The following CACNG4 variants were observed in gnomAD, a reference collection of about 807,000 sequenced individuals.
CACNG4 encodes the protein voltage-dependent calcium channel gamma-4 subunit.
A neutral mutation model predicts 22.9 loss-of-function variants in CACNG4; 8 were observed. The ratio of observed to expected loss-of-function variants is 0.35; its 90% CI spans 0.21 to 0.63. The LOEUF is 0.63. Among genes scored for constraint, CACNG4 ranks in the 30% least tolerant of loss-of-function variants. CACNG4 has a pLI of 0.72. For synonymous variants in CACNG4, 188 were observed against 191.9 expected, an observed-to-expected ratio of 0.98 and a Z score of 0.17; for missense variants, 357 against 455.4, an observed-to-expected ratio of 0.78 and a Z score of 1.97.
At position 67,030,892 on chromosome 17, in the gene CACNG4, G is replaced by C; in HGVS notation, c.872G>C (p.Ser291Thr). Residue 291 changes from serine (S) to threonine (T), a missense_variant, in exon 4 of 4, where the codon AGC (serine) becomes ACC (threonine). By Grantham distance (58) the Ser-to-Thr change is moderately conservative. Coordinates refer to ENST00000262138, the MANE Select transcript of CACNG4 (RefSeq NM_014405.4). This position sits in a 1 kb window ranked among gnomAD's most constrained non-coding sequence, Gnocchi z 6.4. Reference protein sequence around the residue: ...REPLKVTTAASYSPDQEASFL... With the variant: ...REPLKVTTAATYSPDQEASFL... ...CCCCTCAAGGTGACCACCGCAGCCA[G>C]CTACAGCCCCGACCAGGAGGCCAGC... The C allele has an allele frequency of 6.2e-7, 1 of 1,612,740 alleles. No homozygotes were observed. Among genetic ancestry groups the C allele is most frequent in the Non-Finnish European group, 8.5e-7 (1 of 1,180,022 alleles).
intron 1 of CACNG4, among the ~76,000 whole-genome samples, chr17:67,000,799 T>C (rs943097011): frequency 2.1e-4 from 32 of 152,208 alleles, no homozygotes; most frequent in African/African-American, 7.7e-4. Flanking sequence ...ATCCTCCCTT[T>C]CTGCTCCAAG....
chr17:66,967,040 C>T (rs1249657429), intron 1 of CACNG4, among the ~76,000 whole-genome samples: 2 of 152,176 alleles, frequency 1.3e-5, no homozygotes, highest in Non-Finnish European at 2.9e-5. Context: ...TGGCACGACC[C>T]GAAGGCATGT....
Position 67,030,841 on chromosome 17 carries a change from T to G in CACNG4, c.821T>G (p.Leu274Arg), listed in dbSNP as rs2095020259. Residue 274 changes from leucine to arginine, a missense_variant, in exon 4 of 4, where the codon CTG becomes CGG. Physicochemically the swap from Leu to Arg is moderately radical, Grantham distance 102. Coordinates refer to ENST00000262138, the MANE Select transcript of CACNG4 (RefSeq NM_014405.4). The surrounding 1 kb of genome is among the most constrained non-coding windows in gnomAD (Gnocchi z 6.4). ...KITGAIPMGE[L>R]SMYTLSREPL... Reference sequence around the variant, plus strand: ...ACAGGGGCCATCCCCATGGGGGAGCTGTCCATGTACACGCTGTCCAGGGAG... The same window carrying G: ...ACAGGGGCCATCCCCATGGGGGAGCGGTCCATGTACACGCTGTCCAGGGAG... 1.2e-6 allele frequency: 2 copies of G among 1,613,804 alleles called. No homozygotes were observed. The highest frequency in any genetic ancestry group is 1.7e-6 in the Non-Finnish European group (2 of 1,180,020).
At chr17:67,029,136 C>T (rs1001259463) in intron 3 of CACNG4, among the ~76,000 whole-genome samples, 9 of 150,876 alleles carry the variant, frequency 6.0e-5, no homozygotes, top group African/African-American at 2.0e-4. Context: ...AGTTTGAGAC[C>T]AGCCTAGCCA....
chr17:66,995,590 C>T (rs1420481674), intron 1 of CACNG4, among the ~76,000 whole-genome samples: 1 of 152,016 alleles, frequency 6.6e-6, no homozygotes, highest in Non-Finnish European at 1.5e-5. Context: ...AGGGGCTCAC[C>T]CCTGTAATCT....
At chr17:67,019,868 C>T (rs2143358653) in intron 2 of CACNG4, 1 of 152,284 alleles carries the variant, frequency 6.6e-6, no homozygotes, top group African/African-American at 2.4e-5. Context: ...ATGCAGAAGC[C>T]CAGAGGTCAC....
Position 67,031,989 on chromosome 17 carries a change from A to G in CACNG4, c.*985A>G. 2.2e-6 allele frequency: 1 copy of G among 456,666 alleles called. No individual in the cohort carries two copies. Among genetic ancestry groups the G allele is most frequent in the South Asian group, 1.5e-5 (1 of 64,558 alleles). 28.3% of individuals were successfully genotyped at this position (456,666 alleles called of 1,614,324 possible). On this transcript the variant is annotated 3_prime_UTR_variant, in exon 4 of 4. Coordinates refer to ENST00000262138, the MANE Select transcript of CACNG4 (RefSeq NM_014405.4). The surrounding 1 kb of genome is among the most constrained non-coding windows in gnomAD (Gnocchi z 4.0). ...GTGAACAGTGGCCAATAAAAACCCTAGAGAACAAACATCCATTTCCTAGGT... is the reference window on the plus strand; with the variant it reads ...GTGAACAGTGGCCAATAAAAACCCTGGAGAACAAACATCCATTTCCTAGGT...
chr17:67,028,668 C>A (rs545724531), intron 3 of CACNG4, among the ~76,000 whole-genome samples: 16 of 152,302 alleles, frequency 1.1e-4, no homozygotes, highest in African/African-American at 3.8e-4. Flanking sequence ...CTCATTTAAT[C>A]CTCACACCAG....
In CACNG4 at chr17:67,027,318, A is replaced by G. The variant is rs1283380888; in HGVS notation, c.445+2318A>G. On this transcript the variant is annotated intron_variant, in intron 3 of 3. Coordinates refer to ENST00000262138, the MANE Select transcript of CACNG4 (RefSeq NM_014405.4). This position sits in a 1 kb window ranked among gnomAD's most constrained non-coding sequence, Gnocchi z 4.3. The stretch of plus-strand genomic sequence containing the variant: ...CCAGAGGGACTTGGAGCCTGGACCC[A>G]GAGCCCTAGCCGAAGAAAATGAGTC... Among the ~76,000 whole-genome samples, 6 of 152,348 alleles carry G rather than the reference A, an allele frequency of 3.9e-5. No individual in the cohort carries two copies. Among genetic ancestry groups the G allele is most frequent in the South Asian group, 4.1e-4 (2 of 4,830 alleles).
chr17:67,000,631 G>A (rs986801307), intron 1 of CACNG4, among the ~76,000 whole-genome samples: 1 of 152,164 alleles, frequency 6.6e-6, no homozygotes, highest in Non-Finnish European at 1.5e-5. Context: ...GACAAGTGAG[G>A]GCCAGTGGCC....
intron 2 of CACNG4, among the ~76,000 whole-genome samples, chr17:67,020,846 G>A (rs111243051): frequency 3.6e-4 from 55 of 152,294 alleles, no homozygotes; most frequent in African/African-American, 1.3e-3. Flanking sequence ...CAGGAGGGAG[G>A]TCTCTGGCGG....
At chr17:67,016,759 C>T (rs538254929) in intron 1 of CACNG4, among the ~76,000 whole-genome samples, 15 of 152,258 alleles carry the variant, frequency 9.9e-5, no homozygotes, top group South Asian at 2.1e-4. Context: ...GGCGGCAACA[C>T]CCTGTGCCCC....
At chr17:67,011,323 C>T (rs1418805536) in intron 1 of CACNG4, among the ~76,000 whole-genome samples, 1 of 152,114 alleles carries the variant, frequency 6.6e-6, no homozygotes, top group Non-Finnish European at 1.5e-5. Context: ...TGAGCAGCCC[C>T]CGCAGGGGTG....
In CACNG4 at chr17:66,981,983, G is replaced by C. The variant is rs1416470035; in HGVS notation, c.220+16852G>C. Among the ~76,000 whole-genome samples the C allele has an allele frequency of 2.0e-5, 3 of 152,200 alleles. 1 individual carries two copies. In the South Asian group the frequency reaches 6.2e-4, roughly 32 times the overall value. The stretch of plus-strand genomic sequence containing the variant: ...CGGTCTCACTCTGTCACACAGGCTA[G>C]AGTGCAGTGGTGGGATCATAGTGTG... On this transcript the variant is annotated intron_variant, in intron 1 of 3. Coordinates refer to ENST00000262138, the MANE Select transcript of CACNG4 (RefSeq NM_014405.4).
intron 1 of CACNG4, among the ~76,000 whole-genome samples, chr17:66,990,233 T>C (rs990337159): frequency 4.6e-5 from 7 of 152,238 alleles, no homozygotes; most frequent in Non-Finnish European, 2.9e-5. Context: ...GCCATTCTCT[T>C]GCTAGCCATC....
chr17:67,017,466 G>T (rs769676997), intron 1 of CACNG4, among the ~76,000 whole-genome samples: 6 of 151,980 alleles, frequency 3.9e-5, no homozygotes, highest in Non-Finnish European at 8.8e-5. Flanking sequence ...TGCCTGGAAA[G>T]CCCCCTGTGC....
intron 2 of CACNG4, among the ~76,000 whole-genome samples, chr17:67,023,182 G>A (rs1197411435): frequency 6.6e-6 from 1 of 151,610 alleles, no homozygotes; most frequent in Admixed American, 6.6e-5. Context: ...TTATAAGGAT[G>A]CTCGTCGTTG....
At chr17:66,983,152 C>T (rs2035286540) in intron 1 of CACNG4, among the ~76,000 whole-genome samples, 1 of 152,176 alleles carries the variant, frequency 6.6e-6, no homozygotes, top group African/African-American at 2.4e-5. Context: ...ATGAAAATCT[C>T]TGCAGGCACT....
chr17:67,008,147 A>C (rs539805730), intron 1 of CACNG4, among the ~76,000 whole-genome samples: 3 of 152,178 alleles, frequency 2.0e-5, no homozygotes, highest in African/African-American at 4.8e-5. Context: ...TGTAAGTTCA[A>C]TGAAGGAACT....
Sources: gnomAD v4.1 joint callset for allele counts (sites outside exome capture counted in the v4.1 genomes callset) on GRCh38, gnomAD v4.1.1 for gene constraint, Gnocchi (gnomAD v3.1) non-coding constraint, MANE v1.5 for transcripts, NCBI Gene and HGNC (gene_info 2026-07-23, HGNC 2026-07-21) for gene names.